Variants in VRK2 observed in about 807,000 individuals in gnomAD.
VRK2 encodes the protein VRK serine/threonine kinase 2, also known as serine/threonine-protein kinase VRK2.
VRK2 carries 60 observed loss-of-function variants against 57.6 expected under a neutral mutation model. The observed-to-expected ratio is 1.04, with a 90% CI of 0.85 to 1.29. The LOEUF is 1.29. Ranked by LOEUF, VRK2 falls within the 50% of genes most tolerant of loss-of-function variation. The probability of loss-of-function intolerance (pLI) is 0.00; values close to 1 mark genes in which losing one functional copy is unlikely to be tolerated. For synonymous variants in VRK2, 231 were observed against 199.2 expected, an observed-to-expected ratio of 1.16 and a Z score of -1.35; for missense variants, 705 against 588.1, an observed-to-expected ratio of 1.20 and a Z score of -2.06.
chr2:58,019,514 T>C (rs17049305), intron 1 of VRK2, among the ~76,000 whole-genome samples: 51,361 of 152,110 alleles, frequency 0.34, 10,132 homozygotes, highest in East Asian at 0.54. Context: ...TGATAGTAAG[T>C]ATGTAACTTG....
intron 1 of VRK2, among the ~76,000 whole-genome samples, chr2:57,984,987 G>A (rs182681742): frequency 1.5e-3 from 223 of 151,854 alleles, no homozygotes; most frequent in African/African-American, 2.2e-3. Context: ...AATGTTATGA[G>A]GGGGATTAAA....
At chr2:58,079,422 A>T (rs999157612) in intron 2 of VRK2, among the ~76,000 whole-genome samples, 1 of 152,062 alleles carries the variant, frequency 6.6e-6, no homozygotes, top group Non-Finnish European at 1.5e-5. Flanking sequence ...ACTTGCCCCA[A>T]TTATTACTTG....
rs1370796738 is a variant in VRK2, at chr2:58,123,233, G to A, written c.676G>A (p.Ala226Thr). The change falls in exon 8 of 13, where the codon GCC becomes ACC. Residue 226 changes from alanine to threonine, a missense_variant and splice_region_variant. Coordinates refer to ENST00000340157, the MANE Select transcript of VRK2 (RefSeq NM_006296.7). ...CAGCTTGGATGCCCACAAGGGAGTAGGTGGGTTTCTTTTTTCTTTTTCTTA... is the reference window on the plus strand; with the variant it reads ...CAGCTTGGATGCCCACAAGGGAGTAAGTGGGTTTCTTTTTTCTTTTTCTTA... ...FTSLDAHKGVALSRRSDVEIL... is the reference protein window; with the variant it reads ...FTSLDAHKGVTLSRRSDVEIL... 2.4e-5 allele frequency: 38 copies of A among 1,574,420 alleles called. No individual in the cohort carries two copies. The highest frequency in any genetic ancestry group is 3.2e-5 in the Non-Finnish European group (37 of 1,169,126).
At chr2:58,075,108 G>A (rs1669904748) in intron 2 of VRK2, among the ~76,000 whole-genome samples, 2 of 151,990 alleles carry the variant, frequency 1.3e-5, no homozygotes, top group Non-Finnish European at 1.5e-5. Flanking sequence ...TGTGTACTCA[G>A]TGTTTTCCTT....
At chr2:58,035,202 T>A (rs1674236835) in intron 3 of VRK2, among the ~76,000 whole-genome samples, 2 of 151,998 alleles carry the variant, frequency 1.3e-5, no homozygotes, top group South Asian at 4.1e-4. Flanking sequence ...TCATCTTTCC[T>A]TTCTGTTGCT....
intron 1 of VRK2, among the ~76,000 whole-genome samples, chr2:57,952,835 T>C (rs1671469129): frequency 6.6e-6 from 1 of 151,952 alleles, no homozygotes; most frequent in African/African-American, 2.4e-5. Flanking sequence ...GCCAGGGCCA[T>C]CTCCACTGAA....
At chr2:58,015,444 C>A (rs1368136314) in intron 1 of VRK2, among the ~76,000 whole-genome samples, 4 of 152,140 alleles carry the variant, frequency 2.6e-5, no homozygotes, top group Admixed American at 6.5e-5. Context: ...ATTGACCTTA[C>A]ATGGAAAATC....
At chr2:58,112,285 A>T (rs551642682) in intron 7 of VRK2, among the ~76,000 whole-genome samples, 2 of 152,332 alleles carry the variant, frequency 1.3e-5, no homozygotes, top group South Asian at 4.1e-4. Flanking sequence ...GTTTGTCTAG[A>T]TTTAATGAAA....
chr2:57,926,459 GTGTGTGTGTA>G (rs1670537455), intron 1 of VRK2, among the ~76,000 whole-genome samples: 1 of 112,500 alleles, frequency 8.9e-6, no homozygotes. Context: ...GTGTGTGTGT[GTGTGTGTGTA>G]TAGTGTATAT....
intron 1 of VRK2, among the ~76,000 whole-genome samples, chr2:57,918,115 T>G (rs1670216244): frequency 1.3e-5 from 2 of 152,156 alleles, no homozygotes; most frequent in East Asian, 3.8e-4. Context: ...TTGCAAATTG[T>G]TGAAAAGAAA....
intron 7 of VRK2, among the ~76,000 whole-genome samples, chr2:58,113,196 CT>C (rs1558651048): frequency 6.6e-6 from 1 of 151,844 alleles, no homozygotes; most frequent in African/African-American, 2.4e-5. Context: ...GTAATCCCAG[CT>C]ACTCAGGAGG....
intron 1 of VRK2, among the ~76,000 whole-genome samples, chr2:57,928,054 T>C (rs1670599325): frequency 6.6e-6 from 1 of 152,192 alleles, no homozygotes; most frequent in South Asian, 2.1e-4. Context: ...TTCTTGTACT[T>C]GACTTTTGAT....
At chr2:58,063,857 T>C (rs892873761) in intron 2 of VRK2, among the ~76,000 whole-genome samples, 2 of 152,092 alleles carry the variant, frequency 1.3e-5, no homozygotes, top group African/African-American at 2.4e-5. Context: ...ATTAACAGCA[T>C]TCATGATTCA....
intron 1 of VRK2, among the ~76,000 whole-genome samples, chr2:57,957,415 C>T (rs1671619698): frequency 6.6e-6 from 1 of 151,928 alleles, no homozygotes; most frequent in African/African-American, 2.4e-5. Context: ...TTTGTCAGAG[C>T]ATAACTTGTA....
chr2:57,918,635 A>G (rs938926352), intron 1 of VRK2, among the ~76,000 whole-genome samples: 1 of 152,100 alleles, frequency 6.6e-6, no homozygotes, highest in Non-Finnish European at 1.5e-5. Flanking sequence ...GAAAGCACCC[A>G]TCTAAGCAGT....
intron 7 of VRK2, among the ~76,000 whole-genome samples, chr2:58,120,645 A>C (rs1677339975): frequency 6.6e-6 from 1 of 152,302 alleles, no homozygotes; most frequent in Middle Eastern, 3.4e-3. Context: ...TCCTGACTGT[A>C]GGCCCCTGAC....
In VRK2 at chr2:58,028,107, T is replaced by C. The variant is rs188342530; in HGVS notation, c.-333+2337T>C. The stretch of plus-strand genomic sequence containing the variant: ...AGGTCTTTAATCTAGATGGAAAATG[T>C]CTGAATACTGCACCTGGACTCGCCA... On this transcript the variant is annotated intron_variant, in intron 2 of 15. Coordinates refer to the VRK2 transcript ENST00000417641. 1.2e-4 allele frequency among the ~76,000 whole-genome samples: 18 copies of C among 152,296 alleles called. 1 individual carries two copies. The highest frequency in any genetic ancestry group is 1.0e-3 in the Admixed American group (16 of 15,290).
At chr2:58,019,406 A>G (rs533369432) in intron 1 of VRK2, among the ~76,000 whole-genome samples, 2 of 152,322 alleles carry the variant, frequency 1.3e-5, no homozygotes, top group East Asian at 3.9e-4. Flanking sequence ...CATGACTCAT[A>G]TTGATACTAG....
At chr2:57,994,966 C>G (rs1008219588) in intron 1 of VRK2, among the ~76,000 whole-genome samples, 1 of 152,092 alleles carries the variant, frequency 6.6e-6, no homozygotes, top group Non-Finnish European at 1.5e-5. Flanking sequence ...GTTGTGATAT[C>G]TTCCCTGTGA....
Sources: gnomAD v4.1 joint callset for allele counts (sites outside exome capture counted in the v4.1 genomes callset) on GRCh38, gnomAD v4.1.1 for gene constraint, MANE v1.5 for transcripts, NCBI Gene and HGNC (gene_info 2026-07-23, HGNC 2026-07-21) for gene names.